Variants in GALNT13 observed in about 807,000 individuals in gnomAD.
GALNT13 encodes UDP-GalNAc:polypeptide N-acetylgalactosaminyltransferase 13.
Under a neutral mutation model 64.2 loss-of-function variants are expected in GALNT13, and 28 were observed. That is an observed-to-expected ratio of 0.44 (90% CI 0.32 to 0.60). The LOEUF (loss-of-function observed/expected upper bound fraction) is 0.60. Among genes scored for constraint, GALNT13 ranks in the 20% least tolerant of loss-of-function variants. The pLI is 0.05. For synonymous variants in GALNT13, 214 were observed against 224.6 expected, an observed-to-expected ratio of 0.95 and a Z score of 0.42; for missense variants, 577 against 669.8, an observed-to-expected ratio of 0.86 and a Z score of 1.53.
intron 3 of GALNT13, among the ~76,000 whole-genome samples, chr2:154,032,210 A>C (rs1558920629): frequency 6.6e-6 from 1 of 152,088 alleles, no homozygotes; most frequent in Non-Finnish European, 1.5e-5. Context: ...ATTAAAATAT[A>C]ATAAACCTAT....
chr2:154,440,361 A>T (rs1427333176), intron 12 of GALNT13, among the ~76,000 whole-genome samples: 1 of 152,144 alleles, frequency 6.6e-6, no homozygotes, highest in East Asian at 1.9e-4. Flanking sequence ...TTTCTCAAAT[A>T]ACTACTGTTA....
intron 9 of GALNT13, among the ~76,000 whole-genome samples, chr2:154,322,272 A>G (rs1694666587): frequency 7.1e-6 from 1 of 141,742 alleles, no homozygotes; most frequent in African/African-American, 2.6e-5. Context: ...TTCACCTTCT[A>G]TATTCTTATG....
At chr2:154,396,449 G>A (rs1699057402) in intron 10 of GALNT13, among the ~76,000 whole-genome samples, 1 of 151,970 alleles carries the variant, frequency 6.6e-6, no homozygotes. Context: ...AATATTTACT[G>A]TATTTAAATT....
the GALNT13 span, among the ~76,000 whole-genome samples, chr2:153,847,726 C>T: frequency 1.3e-5 from 2 of 152,048 alleles, no homozygotes; most frequent in South Asian, 4.1e-4. Context: ...CCAGATAGAG[C>T]AGTGCTTAGA....
the GALNT13 span, among the ~76,000 whole-genome samples, chr2:153,824,508 T>C: frequency 6.6e-6 from 1 of 152,182 alleles, no homozygotes. Flanking sequence ...AATGGGCATA[T>C]GACCCTGGGA....
intron 9 of GALNT13, among the ~76,000 whole-genome samples, chr2:154,374,366 A>C (rs764722114): frequency 1.3e-5 from 2 of 152,196 alleles, no homozygotes; most frequent in Non-Finnish European, 2.9e-5. Flanking sequence ...CCTTAAAAGC[A>C]TATGGGGAGA....
the GALNT13 span, among the ~76,000 whole-genome samples, chr2:153,625,000 T>A: frequency 6.6e-6 from 1 of 151,910 alleles, no homozygotes; most frequent in East Asian, 1.9e-4. Flanking sequence ...AAGACTGAGG[T>A]CAGAATAGAA....
At chr2:154,379,425 G>A (rs1047338735) in intron 9 of GALNT13, among the ~76,000 whole-genome samples, 4 of 151,908 alleles carry the variant, frequency 2.6e-5, no homozygotes, top group Non-Finnish European at 4.4e-5. Flanking sequence ...AGCTGTGAAT[G>A]AAAATTAAGA....
the GALNT13 span, among the ~76,000 whole-genome samples, chr2:153,572,112 G>T: frequency 5.9e-5 from 9 of 151,462 alleles, no homozygotes; most frequent in Admixed American, 3.9e-4. Context: ...TTATCCCTTC[G>T]ATCTCATTAC....
chr2:153,439,616 G>C, the GALNT13 span, among the ~76,000 whole-genome samples: 1 of 152,200 alleles, frequency 6.6e-6, no homozygotes, highest in African/African-American at 2.4e-5. Flanking sequence ...GACAATCTCA[G>C]CCATGTGTGG....
chr2:153,106,731 C>T, the GALNT13 span, among the ~76,000 whole-genome samples: 8 of 152,152 alleles, frequency 5.3e-5, no homozygotes, highest in Admixed American at 5.2e-4. Flanking sequence ...TTCTTTATGA[C>T]TTGCAAATGG....
At chr2:153,793,127 A>G in the GALNT13 span, among the ~76,000 whole-genome samples, 2 of 151,886 alleles carry the variant, frequency 1.3e-5, no homozygotes, top group African/African-American at 4.8e-5. Context: ...ACATGCCACC[A>G]TGCCCAGCTA....
the GALNT13 span, among the ~76,000 whole-genome samples, chr2:153,479,425 C>T: frequency 1.3e-5 from 2 of 152,096 alleles, no homozygotes; most frequent in Non-Finnish European, 2.9e-5. Context: ...TTTACAAAAG[C>T]GATTGGGAGA....
the GALNT13 span, among the ~76,000 whole-genome samples, chr2:153,228,869 C>CAAA: frequency 1.5e-4 from 10 of 68,634 alleles, no homozygotes; most frequent in East Asian, 9.7e-4. Context: ...GAGACTGTCT[C>CAAA]AAAAAAAAAA....
intron 9 of GALNT13, among the ~76,000 whole-genome samples, chr2:154,382,407 A>G (rs985408056): frequency 6.6e-6 from 1 of 152,178 alleles, no homozygotes; most frequent in Non-Finnish European, 1.5e-5. Context: ...TTCTCATACC[A>G]AGCAGTGTTA....
At chr2:153,632,161 C>T in the GALNT13 span, among the ~76,000 whole-genome samples, 2 of 152,138 alleles carry the variant, frequency 1.3e-5, no homozygotes, top group East Asian at 3.9e-4. Flanking sequence ...AGAAACCTAA[C>T]AGTCTTTACT....
the GALNT13 span, among the ~76,000 whole-genome samples, chr2:153,429,376 T>A: frequency 6.6e-6 from 1 of 152,206 alleles, no homozygotes; most frequent in Admixed American, 6.5e-5. Flanking sequence ...ATTGAATACC[T>A]TTTAATATGA....
intron 4 of GALNT13, among the ~76,000 whole-genome samples, chr2:154,225,484 T>C (rs1250439679): frequency 6.6e-6 from 1 of 152,052 alleles, no homozygotes; most frequent in Non-Finnish European, 1.5e-5. Flanking sequence ...CATTCAGCAA[T>C]TTAATTTCTA....
intron 8 of GALNT13, among the ~76,000 whole-genome samples, chr2:154,274,669 T>G (rs181819425): frequency 9.2e-5 from 14 of 152,160 alleles, no homozygotes; most frequent in Admixed American, 4.6e-4. Context: ...TGCTGAACAG[T>G]GAGTCAACTA....
Sources: allele counts gnomAD v4.1 joint callset (sites outside exome capture counted in the v4.1 genomes callset), GRCh38; gene constraint gnomAD v4.1.1; transcripts MANE v1.5; gene names NCBI Gene and HGNC (gene_info 2026-07-23, HGNC 2026-07-21).